Variants in MICU3 observed in about 807,000 individuals in gnomAD.
MICU3 encodes the protein calcium uptake protein 3, mitochondrial.
A neutral mutation model predicts 66.5 loss-of-function variants in MICU3; 62 were observed. The ratio of observed to expected loss-of-function variants is 0.93; its 90% CI spans 0.76 to 1.15. The LOEUF is 1.15. MICU3 is among the 50% of genes most tolerant of loss of function. MICU3 has a pLI of 0.00. For missense variants in MICU3, 779 were observed against 664.4 expected (o/e 1.17, Z -1.90); for synonymous variants, 308 against 240.7 (o/e 1.28, Z -2.59).
At chr8:17,050,971 T>A (rs1815974225) in intron 1 of MICU3, among the ~76,000 whole-genome samples, 1 of 152,170 alleles carries the variant, frequency 6.6e-6, no homozygotes, top group Non-Finnish European at 1.5e-5. Flanking sequence ...ATTGGTCCAG[T>A]TTCTTATTAT....
chr8:17,075,586 T>C (rs982496545), intron 3 of MICU3, among the ~76,000 whole-genome samples: 1 of 152,124 alleles, frequency 6.6e-6, no homozygotes, highest in Non-Finnish European at 1.5e-5. Context: ...ATATAAAAAA[T>C]TTAATAAATT....
At chr8:17,109,854 A>C (rs938297883) in intron 11 of MICU3, among the ~76,000 whole-genome samples, 1 of 152,202 alleles carries the variant, frequency 6.6e-6, no homozygotes, top group Non-Finnish European at 1.5e-5. Context: ...ATGTAATGCA[A>C]ATGTTAACAA....
At chr8:17,064,346 T>G in intron 2 of MICU3, 109 bp downstream of exon 2, 1 of 749,502 alleles carries the variant, frequency 1.3e-6, no homozygotes, top group Non-Finnish European at 2.1e-6. Context: ...AATGTGGTAT[T>G]TCACATGATA....
chr8:17,091,684 T>C (rs1219560413), intron 8 of MICU3, among the ~76,000 whole-genome samples: 1 of 152,098 alleles, frequency 6.6e-6, no homozygotes, highest in East Asian at 1.9e-4. Flanking sequence ...TTTTGTTTAC[T>C]TACAAGATAC....
At chr8:17,065,240 C>G (rs934400346) in intron 2 of MICU3, among the ~76,000 whole-genome samples, 2 of 152,022 alleles carry the variant, frequency 1.3e-5, no homozygotes, top group Non-Finnish European at 2.9e-5. Flanking sequence ...ATTTTTTCCT[C>G]CAGAGACAGC....
intron 1 of MICU3, among the ~76,000 whole-genome samples, chr8:17,034,691 G>C (rs1487769597): frequency 6.6e-6 from 1 of 152,186 alleles, no homozygotes; most frequent in East Asian, 1.9e-4. Flanking sequence ...TGGTGAAATA[G>C]CAAGAGAACT....
At position 17,073,842 on chromosome 8, in the gene MICU3, A is replaced by T. The variant is rs115465490; in HGVS notation, c.568-3941A>T. On this transcript the variant is annotated intron_variant, in intron 3 of 14. Coordinates refer to ENST00000318063, the MANE Select transcript of MICU3 (RefSeq NM_181723.3). ...GAGTGAAAATGAATAAATACATTAT[A>T]GCTATGTGTATTAACATGAGTAGAA... Among the ~76,000 whole-genome samples, 321 of 152,354 alleles carry T rather than the reference A, an allele frequency of 2.1e-3. 2 individuals carry two copies. Among genetic ancestry groups the T allele is most frequent in the African/African-American group, 7.4e-3 (309 of 41,584 alleles).
At chr8:17,110,331 A>G (rs1467671407) in intron 11 of MICU3, among the ~76,000 whole-genome samples, 3 of 152,164 alleles carry the variant, frequency 2.0e-5, no homozygotes, top group Middle Eastern at 3.2e-3. Context: ...TGAATTCACA[A>G]TATTGTGCAA....
chr8:17,133,137 A>T, the MICU3 span: 5 of 152,236 alleles, frequency 3.3e-5, no homozygotes, highest in African/African-American at 1.2e-4. Context: ...CAGCTGAAAC[A>T]GACTAAGACA....
intron 9 of MICU3, among the ~76,000 whole-genome samples, chr8:17,103,004 T>A (rs568065677): frequency 1.5e-3 from 227 of 152,112 alleles, no homozygotes; most frequent in African/African-American, 5.2e-3. Context: ...TACTAAAGAA[T>A]GTCAACAATT....
intron 5 of MICU3, among the ~76,000 whole-genome samples, chr8:17,084,401 T>G (rs1821645241): frequency 6.6e-6 from 1 of 152,138 alleles, no homozygotes; most frequent in Non-Finnish European, 1.5e-5. Context: ...AGTAGGACAC[T>G]ATCTGTGCCT....
intron 1 of MICU3, among the ~76,000 whole-genome samples, chr8:17,045,405 C>T (rs180930322): frequency 1.5e-3 from 233 of 152,278 alleles, no homozygotes; most frequent in African/African-American, 5.2e-3. Flanking sequence ...AGAATCTGAA[C>T]AGACAGGCCT....
At chr8:17,076,215 T>G (rs368879689) in intron 3 of MICU3, among the ~76,000 whole-genome samples, 16 of 151,890 alleles carry the variant, frequency 1.1e-4, no homozygotes, top group African/African-American at 3.9e-4. Flanking sequence ...GTTTGTTTGT[T>G]TGTGAAATGG....
At chr8:17,138,263 C>T in the MICU3 span, among the ~76,000 whole-genome samples, 1 of 152,096 alleles carries the variant, frequency 6.6e-6, no homozygotes, top group East Asian at 1.9e-4. Context: ...GGTGTAACTC[C>T]AGCAGAATGT....
chr8:17,030,262 C>CTTTCATTTTGGAGGT (rs1384468021), intron 1 of MICU3, among the ~76,000 whole-genome samples: 2 of 152,172 alleles, frequency 1.3e-5, no homozygotes, highest in Non-Finnish European at 2.9e-5. Context: ...TAAGCTCTTG[C>CTTTCATTTTGGAGGT]TTTCATTTTG....
At chr8:17,087,241 C>A (rs533306537) in intron 7 of MICU3, among the ~76,000 whole-genome samples, 44 of 151,960 alleles carry the variant, frequency 2.9e-4, no homozygotes, top group African/African-American at 9.6e-4. Flanking sequence ...ACATTTGTAT[C>A]CATAATCATT....
chr8:17,116,773 A>G (rs962318724), intron 13 of MICU3, among the ~76,000 whole-genome samples, 173 bp downstream of exon 13: 2 of 152,218 alleles, frequency 1.3e-5, no homozygotes, highest in Non-Finnish European at 2.9e-5. Context: ...TTGAGGTGAT[A>G]AAAGAGAATG....
chr8:17,086,919 G>A (rs745976675), intron 6 of MICU3, 45 bp from the exon 7 acceptor site: 2 of 1,354,806 alleles, frequency 1.5e-6, no homozygotes, highest in Non-Finnish European at 2.1e-6. Flanking sequence ...TAGGTGCCCA[G>A]AAACTCTTGT....
rs989662018 is a variant in MICU3 at position 17,105,359 on chromosome 8, G to C, written c.1086-54G>C. Reference sequence around the variant, plus strand: ...GACAGTGAGTATTTGCTCATCTCCTGTTACGATTACTCTTTCTTTATCTTT... The same window carrying C: ...GACAGTGAGTATTTGCTCATCTCCTCTTACGATTACTCTTTCTTTATCTTT... On this transcript the variant is annotated intron_variant, in intron 10 of 14. Transcript: ENST00000318063. 3.6e-6 allele frequency: 4 copies of C among 1,107,198 alleles called. No homozygotes were observed. The African/African-American group carries it at 4.8e-5, about 13-fold the overall frequency. The allele number at this position is 1,107,198 out of a possible 1,614,324, so 68.6% of individuals were successfully genotyped here. A position where few individuals can be genotyped will look rare whatever the true frequency, so the allele number is the denominator to read the frequency against.
Sources: gnomAD v4.1 joint callset for allele counts (sites outside exome capture counted in the v4.1 genomes callset) on GRCh38, gnomAD v4.1.1 for gene constraint, MANE v1.5 for transcripts, NCBI Gene and HGNC (gene_info 2026-07-23, HGNC 2026-07-21) for gene names.